The following RNF169 variants were observed in gnomAD, a reference collection of about 807,000 sequenced individuals.
RNF169 encodes E3 ubiquitin-protein ligase RNF169.
Under a neutral mutation model 53.9 loss-of-function variants are expected in RNF169, and 24 were observed. The observed-to-expected ratio is 0.45, with a 90% confidence interval of 0.32 to 0.63. The LOEUF is 0.63. RNF169 is among the 20% of genes least tolerant of loss of function. RNF169 has a pLI of 0.04. For missense variants in RNF169, 883 were observed against 906.2 expected (o/e 0.97, Z 0.33); for synonymous variants, 396 against 363.5 (o/e 1.09, Z -1.02).
At chr11:74,766,463 C>T (rs552936824) in intron 1 of RNF169, among the ~76,000 whole-genome samples, 69 of 152,146 alleles carry the variant, frequency 4.5e-4, no homozygotes, top group South Asian at 2.7e-3. Context: ...ATTTGAATGC[C>T]GGCTGGATAT....
intron 3 of RNF169, among the ~76,000 whole-genome samples, chr11:74,815,201 G>A (rs201623884): frequency 6.6e-6 from 1 of 152,134 alleles, no homozygotes; most frequent in Non-Finnish European, 1.5e-5. Flanking sequence ...AGAGGGGTGG[G>A]AGAGCTTTTG....
intron 3 of RNF169, among the ~76,000 whole-genome samples, chr11:74,815,327 G>A (rs1310224372): frequency 5.9e-5 from 9 of 152,176 alleles, no homozygotes; most frequent in African/African-American, 1.2e-4. Flanking sequence ...AGGCCGAGGC[G>A]GGCAGATCAC....
intron 1 of RNF169, among the ~76,000 whole-genome samples, chr11:74,782,962 A>G (rs1236672012): frequency 2.7e-5 from 4 of 147,556 alleles, no homozygotes; most frequent in Non-Finnish European, 4.5e-5. Flanking sequence ...AAGTGGGACT[A>G]TTCAAATGAG....
intron 5 of RNF169, 24 bp downstream of exon 5, chr11:74,834,799 G>A (rs780932797): frequency 2.8e-5 from 44 of 1,560,886 alleles, no homozygotes; most frequent in Middle Eastern, 1.7e-4. Flanking sequence ...ACAGACCTCC[G>A]GGGCTTGTGA....
At chr11:74,750,500 T>C (rs1017189188) in intron 1 of RNF169, among the ~76,000 whole-genome samples, 6 of 151,476 alleles carry the variant, frequency 4.0e-5, no homozygotes, top group Non-Finnish European at 5.9e-5. Context: ...GAGACACCTG[T>C]CACTGTCCTA....
Position 74,836,999 on chromosome 11 carries a change from C to T in RNF169, c.*269C>T. 1 of 345,620 alleles carries T rather than the reference C, an allele frequency of 2.9e-6. No individual in the cohort carries two copies. Among genetic ancestry groups the T allele is most frequent in the Non-Finnish European group, 5.3e-6 (1 of 188,614 alleles). The allele number at this position is 345,620 out of a possible 1,614,324, so 21.4% of individuals were successfully genotyped here. On this transcript the variant is annotated 3_prime_UTR_variant, in exon 6 of 6. Coordinates refer to ENST00000299563, the MANE Select transcript of RNF169 (RefSeq NM_001098638.2). ...CTGGGAATGAGATTTGGAACGGCCT[C>T]AGGAGCATAATGGCCACAGTTAGTA...
intron 2 of RNF169, among the ~76,000 whole-genome samples, chr11:74,801,977 T>A (rs2035737796): frequency 6.6e-6 from 1 of 152,326 alleles, no homozygotes; most frequent in South Asian, 2.1e-4. Context: ...ATTTACTGTT[T>A]CAGGTGCATC....
chr11:74,809,441 C>T (rs559211), intron 2 of RNF169, among the ~76,000 whole-genome samples: 29,854 of 152,102 alleles, frequency 0.2, 3,097 homozygotes, highest in South Asian at 0.38. Flanking sequence ...TGCTCACGGT[C>T]ACCAAGGTTT....
At chr11:74,778,824 C>T (rs1565174883) in intron 1 of RNF169, among the ~76,000 whole-genome samples, 1 of 152,160 alleles carries the variant, frequency 6.6e-6, no homozygotes, top group Non-Finnish European at 1.5e-5. Flanking sequence ...TCTGAGTTGG[C>T]CACTCCCAGA....
chr11:74,783,336 A>G (rs935915073), intron 1 of RNF169, among the ~76,000 whole-genome samples: 2 of 152,018 alleles, frequency 1.3e-5, no homozygotes, highest in Non-Finnish European at 2.9e-5. Context: ...CTGTTCCTGT[A>G]ATTCACATAA....
At chr11:74,769,981 A>G (rs908322386) in intron 1 of RNF169, among the ~76,000 whole-genome samples, 1 of 152,212 alleles carries the variant, frequency 6.6e-6, no homozygotes, top group Admixed American at 6.5e-5. Flanking sequence ...AGTACTATAC[A>G]GGGTCTCACC....
At chr11:74,815,235 G>T (rs111428462) in intron 3 of RNF169, among the ~76,000 whole-genome samples, 41 of 152,268 alleles carry the variant, frequency 2.7e-4, no homozygotes, top group African/African-American at 9.6e-4. Flanking sequence ...TTATATATTT[G>T]TAATGTAGTT....
At chr11:74,784,108 CTTAATA>C (rs1176997195) in intron 1 of RNF169, among the ~76,000 whole-genome samples, 5 of 152,088 alleles carry the variant, frequency 3.3e-5, no homozygotes, top group East Asian at 1.9e-4. Flanking sequence ...TATACATACT[CTTAATA>C]TTAAGTTTGA....
In RNF169 at chr11:74,748,921, C is replaced by T. The variant is rs764449632; in HGVS notation, c.41C>T (p.Ala14Val). ...CCGAGTACTCGGGCCTCTTCCGCGG[C>T]GGCAGCAGCCGCTCTGAGTCGGCGG... ...AGPSTRASSA[A>V]AAAALSRRGR... The change falls in exon 1 of 6, where the codon GCG (alanine) becomes GTG (valine). Residue 14 changes from alanine (A) to valine (V), a missense_variant. Coordinates refer to ENST00000299563, the MANE Select transcript of RNF169 (RefSeq NM_001098638.2). 7.6e-6 allele frequency: 11 copies of T among 1,446,446 alleles called. No homozygotes were observed. In the Admixed American group the frequency reaches 1.7e-4, roughly 23 times the overall value. 89.6% of individuals were successfully genotyped at this position (1,446,446 alleles called of 1,614,324 possible).
At chr11:74,820,488 C>T (rs145832198) in intron 4 of RNF169, among the ~76,000 whole-genome samples, 47 of 152,010 alleles carry the variant, frequency 3.1e-4, no homozygotes, top group African/African-American at 1.0e-3. Flanking sequence ...GAGGTTGTAA[C>T]AATAAAGATC....
At chr11:74,824,364 A>G (rs1418155263) in intron 4 of RNF169, among the ~76,000 whole-genome samples, 1 of 152,224 alleles carries the variant, frequency 6.6e-6, no homozygotes, top group Non-Finnish European at 1.5e-5. Context: ...ACAGAGCCTA[A>G]GAAATCTGTG....
In RNF169 at chr11:74,749,088, G is replaced by T; in HGVS notation, c.208G>T (p.Gly70Trp). 1.4e-6 allele frequency: 2 copies of T among 1,445,594 alleles called. No homozygotes were observed. Among genetic ancestry groups the T allele is most frequent in the Non-Finnish European group, 1.8e-6 (2 of 1,098,158 alleles). The allele number at this position is 1,445,594 out of a possible 1,614,324, so 89.5% of individuals were successfully genotyped here. Residue 70 changes from glycine to tryptophan, a missense_variant, in exon 1 of 6, where the codon GGG becomes TGG. By Grantham distance (184) the Gly-to-Trp change is radical. This residue lies in a region of RNF169 where 313 missense variants were observed against 279.9 expected (regional missense o/e 1.12). Transcript: ENST00000299563. ...GCGGCCGGAGGAATCGGGCTGCGCC[G>T]GGTGCCTGGAGCCCCCCGGAGAAGC... Reference protein sequence around the residue: ...PPRPEESGCAGCLEPPGEAAA... With the variant: ...PPRPEESGCAWCLEPPGEAAA...
chr11:74,800,999 A>G (rs1220608032), intron 2 of RNF169, among the ~76,000 whole-genome samples: 1 of 152,240 alleles, frequency 6.6e-6, no homozygotes, highest in African/African-American at 2.4e-5. Flanking sequence ...TATTGAAGTA[A>G]TTTTAAATAT....
Position 74,752,250 on chromosome 11 carries a change from AAAG to A in RNF169, c.502+2869_502+2871del, listed in dbSNP as rs1449228445. On this transcript the variant is annotated intron_variant, in intron 1 of 5. Transcript: ENST00000299563. ...TCTTAAAAAAAAAAAAAAAAAAAAAAAAGGGAAAAAAAAGAAGTGATTCTCTCT... is the reference window on the plus strand; with the variant it reads ...TCTTAAAAAAAAAAAAAAAAAAAAAAGGAAAAAAAAGAAGTGATTCTCTCT... 2.0e-3 allele frequency among the ~76,000 whole-genome samples: 298 copies of A among 150,286 alleles called. 2 individuals are homozygous for A. The highest frequency in any genetic ancestry group is 3.1e-3 in the Non-Finnish European group (212 of 67,648).
Sources: gnomAD v4.1 joint callset for allele counts (sites outside exome capture counted in the v4.1 genomes callset) on GRCh38, gnomAD v4.1.1 for gene constraint, gnomAD v4.1.1 regional missense constraint, MANE v1.5 for transcripts, NCBI Gene and HGNC (gene_info 2026-07-23, HGNC 2026-07-21) for gene names.